MTHFD2L: variants seen among roughly 807,000 people sequenced by gnomAD.
MTHFD2L encodes the protein bifunctional methylenetetrahydrofolate dehydrogenase/cyclohydrolase 2, mitochondrial.
Under a neutral mutation model 34.9 loss-of-function variants are expected in MTHFD2L, and 29 were observed. The observed-to-expected ratio is 0.83, with a 90% CI of 0.62 to 1.13. The LOEUF is 1.13. Among genes scored for constraint, MTHFD2L ranks in the 50% most tolerant of loss-of-function variants. The pLI is 0.00. For synonymous variants in MTHFD2L, 167 were observed against 155.7 expected, an observed-to-expected ratio of 1.07 and a Z score of -0.54; for missense variants, 481 against 446.5, an observed-to-expected ratio of 1.08 and a Z score of -0.70.
intron 6 of MTHFD2L, chr4:74,268,308 C>T (rs1033087603): frequency 2.2e-6 from 2 of 924,324 alleles, no homozygotes; most frequent in African/African-American, 1.8e-5. Flanking sequence ...CACACAAATT[C>T]CACTCTAATT....
At chr4:74,170,171 A>G (rs190572966) in intron 1 of MTHFD2L, among the ~76,000 whole-genome samples, 14 of 152,352 alleles carry the variant, frequency 9.2e-5, no homozygotes, top group Admixed American at 4.6e-4. Flanking sequence ...ACATGATAAC[A>G]TTATAAGAAA....
rs147899102 is a variant in MTHFD2L, at chr4:74,207,945, C to T, written c.712+6575C>T. Among the ~76,000 whole-genome samples the T allele has an allele frequency of 3.7e-4, 56 of 151,900 alleles. 1 individual carries two copies. Among genetic ancestry groups the T allele is most frequent in the Admixed American group, 2.9e-3 (44 of 15,234 alleles). On this transcript the variant is annotated intron_variant, in intron 5 of 7. Transcript: ENST00000325278. Reference sequence around the variant, plus strand: ...TTCAAAGAGAGGAGCCAAATAGGAACGCCTAGGAATGCAGGAGTCATGCAA... The same window carrying T: ...TTCAAAGAGAGGAGCCAAATAGGAATGCCTAGGAATGCAGGAGTCATGCAA...
At chr4:74,264,820 TTAATA>T (rs1405962032) in intron 6 of MTHFD2L, among the ~76,000 whole-genome samples, 4 of 152,288 alleles carry the variant, frequency 2.6e-5, no homozygotes, top group African/African-American at 9.6e-5. Flanking sequence ...TTTCTATACC[TTAATA>T]TGTTATTTAA....
chr4:74,291,078 T>C (rs13101741), intron 7 of MTHFD2L, among the ~76,000 whole-genome samples: 1 of 133,880 alleles, frequency 7.5e-6, no homozygotes, highest in Non-Finnish European at 1.6e-5. Flanking sequence ...AGTGCAGTGG[T>C]GCGATCTTGG....
intron 7 of MTHFD2L, among the ~76,000 whole-genome samples, chr4:74,297,089 C>T (rs1343733497): frequency 6.6e-6 from 1 of 152,058 alleles, no homozygotes; most frequent in Non-Finnish European, 1.5e-5. Flanking sequence ...AAAGCTATAG[C>T]ACTTTCAAGG....
At chr4:74,220,084 T>C (rs904930057) in intron 5 of MTHFD2L, among the ~76,000 whole-genome samples, 1 of 78,218 alleles carries the variant, frequency 1.3e-5, no homozygotes, top group African/African-American at 4.2e-5. Context: ...AGTTTCATTT[T>C]GGTTTTGATT....
intron 6 of MTHFD2L, among the ~76,000 whole-genome samples, chr4:74,243,797 G>A (rs75967974): frequency 0.011 from 1,722 of 152,256 alleles, 43 homozygotes; most frequent in African/African-American, 0.039. Flanking sequence ...AGTAAAGAGA[G>A]CATTTTTATT....
chr4:74,183,823 T>A (rs1730644607), intron 3 of MTHFD2L: 1 of 151,724 alleles, frequency 6.6e-6, no homozygotes, highest in African/African-American at 2.4e-5. Flanking sequence ...TTCTTATTCT[T>A]ATTATTCAGA....
chr4:74,251,774 A>G (rs1169319858), intron 6 of MTHFD2L, among the ~76,000 whole-genome samples: 3 of 152,196 alleles, frequency 2.0e-5, no homozygotes, highest in Non-Finnish European at 4.4e-5. Flanking sequence ...TTTTGTGACA[A>G]TGAGCTCCTA....
At chr4:74,199,562 CT>C (rs1414119549) in intron 3 of MTHFD2L, among the ~76,000 whole-genome samples, 2 of 151,978 alleles carry the variant, frequency 1.3e-5, no homozygotes, top group African/African-American at 2.4e-5. Flanking sequence ...GGTCCAGCCA[CT>C]TTTGGCTCTG....
chr4:74,244,931 G>C (rs983466083), intron 6 of MTHFD2L, among the ~76,000 whole-genome samples: 7 of 151,876 alleles, frequency 4.6e-5, no homozygotes, highest in African/African-American at 1.7e-4. Flanking sequence ...GCAGTGGCTC[G>C]CGGCTATAAT....
At chr4:74,243,940 TG>T in intron 6 of MTHFD2L, among the ~76,000 whole-genome samples, 1 of 152,220 alleles carries the variant, frequency 6.6e-6, no homozygotes, top group East Asian at 1.9e-4. Context: ...TAAATAACAC[TG>T]CTCAATCTGT....
intron 5 of MTHFD2L, chr4:74,224,037 A>G (rs1345143037): frequency 1.3e-5 from 2 of 152,144 alleles, no homozygotes; most frequent in Non-Finnish European, 2.9e-5. Context: ...TTTTAGATCT[A>G]CTGTTTACAG....
Position 74,164,855 on chromosome 4 carries a change from C to T in MTHFD2L, c.143+6574C>T, listed in dbSNP as rs1473234978. On this transcript the variant is annotated intron_variant, in intron 1 of 7. Transcript: ENST00000325278. ...TTTGCCTCCTGATGAAGCCACATTT[C>T]GTGGCTAGCCCAGCAGTAGGCTGGG... 3.5e-5 allele frequency: 16 copies of T among 451,786 alleles called. No homozygotes were observed. In the East Asian group the frequency reaches 4.7e-4, roughly 13 times the overall value. 28.0% of individuals were successfully genotyped at this position (451,786 alleles called of 1,614,324 possible).
intron 1 of MTHFD2L, among the ~76,000 whole-genome samples, chr4:74,172,361 T>G (rs1223938974): frequency 6.6e-6 from 1 of 152,212 alleles, no homozygotes; most frequent in Non-Finnish European, 1.5e-5. Flanking sequence ...TGAATAAATC[T>G]TTTACAGAAA....
intron 1 of MTHFD2L, among the ~76,000 whole-genome samples, chr4:74,147,871 A>C (rs951019237): frequency 3.3e-5 from 5 of 151,994 alleles, no homozygotes; most frequent in Admixed American, 6.6e-5. Flanking sequence ...GTTTTTGTTG[A>C]GCTATAGGAG....
chr4:74,270,441 A>G (rs1200347576), intron 6 of MTHFD2L, among the ~76,000 whole-genome samples: 1 of 151,918 alleles, frequency 6.6e-6, no homozygotes, highest in Non-Finnish European at 1.5e-5. Flanking sequence ...TGTTCTTGCA[A>G]CAGTTTGCTG....
intron 1 of MTHFD2L, among the ~76,000 whole-genome samples, chr4:74,140,727 G>T (rs1723227755): frequency 6.6e-6 from 1 of 152,170 alleles, no homozygotes; most frequent in Non-Finnish European, 1.5e-5. Flanking sequence ...TGGCAGAAGG[G>T]GAAGCAAAAG....
intron 6 of MTHFD2L, among the ~76,000 whole-genome samples, chr4:74,261,156 C>T (rs1286264410): frequency 1.3e-5 from 2 of 151,966 alleles, no homozygotes; most frequent in Non-Finnish European, 2.9e-5. Flanking sequence ...AGTTGACAGA[C>T]ATGAGTTAGG....
Sources: gnomAD v4.1 joint callset for allele counts (sites outside exome capture counted in the v4.1 genomes callset) on GRCh38, gnomAD v4.1.1 for gene constraint, MANE v1.5 for transcripts, NCBI Gene and HGNC (gene_info 2026-07-23, HGNC 2026-07-21) for gene names.